The following DENND1A variants were observed in gnomAD, a reference collection of about 807,000 sequenced individuals.
DENND1A encodes DENN domain containing 1A.
A neutral mutation model predicts 113.7 loss-of-function variants in DENND1A; 51 were observed. The observed-to-expected ratio is 0.45, with a 90% CI of 0.36 to 0.57. The LOEUF (loss-of-function observed/expected upper bound fraction) is 0.57, where lower values mean the gene tolerates loss of function less well. Ranked by LOEUF, DENND1A falls within the 20% of genes least tolerant of loss-of-function variation. The pLI is 0.00. For synonymous variants in DENND1A, 565 were observed against 570.8 expected, an observed-to-expected ratio of 0.99 and a Z score of 0.14; for missense variants, 1,258 against 1,395.9, an observed-to-expected ratio of 0.90 and a Z score of 1.57.
chr9:123,525,758 CTT>C (rs34055700), intron 13 of DENND1A, among the ~76,000 whole-genome samples: 40 of 129,798 alleles, frequency 3.1e-4, no homozygotes, highest in Admixed American at 3.3e-4. Flanking sequence ...TGCAGTCTAC[CTT>C]TTTTTTTTTT....
chr9:123,531,562 C>CT (rs2055320776), intron 13 of DENND1A, among the ~76,000 whole-genome samples: 59 of 102,152 alleles, frequency 5.8e-4, no homozygotes, highest in African/African-American at 2.2e-3. Flanking sequence ...TCTACACACA[C>CT]ACACACACAC....
intron 8 of DENND1A, among the ~76,000 whole-genome samples, chr9:123,660,333 CACAGGGA>C (rs1158444475): frequency 6.6e-6 from 1 of 152,066 alleles, no homozygotes; most frequent in Non-Finnish European, 1.5e-5. Context: ...ATGGGTCATG[CACAGGGA>C]ATTGGTTCAT....
At chr9:123,458,220 C>T (rs183868364) in intron 13 of DENND1A, among the ~76,000 whole-genome samples, 16 of 151,930 alleles carry the variant, frequency 1.1e-4, no homozygotes, top group African/African-American at 2.2e-4. Flanking sequence ...AGGCTGGTCT[C>T]GAACTCCTGA....
chr9:123,804,703 C>T (rs1315581922), intron 2 of DENND1A, among the ~76,000 whole-genome samples: 2 of 152,182 alleles, frequency 1.3e-5, no homozygotes, highest in South Asian at 2.1e-4. Flanking sequence ...CATCCCAGAG[C>T]CAATGTATCA....
At chr9:123,924,634 G>C (rs1306374314) in intron 1 of DENND1A, among the ~76,000 whole-genome samples, 2 of 149,154 alleles carry the variant, frequency 1.3e-5, no homozygotes, top group African/African-American at 2.5e-5. Flanking sequence ...CTGGGGGACA[G>C]AGTGAAACTG....
At chr9:123,665,007 T>C (rs1187436948) in intron 8 of DENND1A, among the ~76,000 whole-genome samples, 4 of 152,220 alleles carry the variant, frequency 2.6e-5, no homozygotes, top group African/African-American at 7.2e-5. Flanking sequence ...ATCTCCTTTA[T>C]ATTATGTAAA....
intron 13 of DENND1A, among the ~76,000 whole-genome samples, chr9:123,506,938 C>T (rs889849025): frequency 1.3e-5 from 2 of 152,208 alleles, no homozygotes; most frequent in Non-Finnish European, 2.9e-5. Flanking sequence ...ATAATCACAG[C>T]ACTTTGGGAT....
rs181036450 is a variant in DENND1A at position 123,546,202 on chromosome 9, G to C, written c.993+11368C>G. 2.7e-4 allele frequency among the ~76,000 whole-genome samples: 41 copies of C among 152,246 alleles called. 1 individual carries two copies. Among genetic ancestry groups the C allele is most frequent in the African/African-American group, 8.9e-4 (37 of 41,504 alleles). ...TTTACACATTCGTGATGTGGTGTTT[G>C]TGTGGCTTATTCCTCTCAGGTTCTA... On this transcript the variant is annotated intron_variant, in intron 13 of 23. Transcript: ENST00000394215.
intron 13 of DENND1A, among the ~76,000 whole-genome samples, chr9:123,463,409 C>T (rs982616675): frequency 8.5e-5 from 13 of 152,334 alleles, no homozygotes; most frequent in African/African-American, 2.9e-4. Flanking sequence ...ACTCTATCCA[C>T]AGCATTGCTG....
intron 2 of DENND1A, among the ~76,000 whole-genome samples, chr9:123,861,465 G>T (rs1845040954): frequency 6.6e-6 from 1 of 152,114 alleles, no homozygotes; most frequent in South Asian, 2.1e-4. Flanking sequence ...TTTCTGTAAA[G>T]CTTTATTTTG....
chr9:123,567,604 C>T (rs775822627), intron 12 of DENND1A, among the ~76,000 whole-genome samples: 28 of 152,154 alleles, frequency 1.8e-4, no homozygotes, highest in Non-Finnish European at 2.6e-4. Flanking sequence ...AAGAGACTAA[C>T]GACTTTCTTC....
chr9:123,787,409 T>G (rs1832350660), intron 3 of DENND1A, among the ~76,000 whole-genome samples: 1 of 152,160 alleles, frequency 6.6e-6, no homozygotes, highest in African/African-American at 2.4e-5. Context: ...CATGAAAGTT[T>G]TCATACACAG....
rs1355168437 is a variant in DENND1A, at chr9:123,871,456, T to G, written c.88+7495A>C. Among the ~76,000 whole-genome samples the G allele has an allele frequency of 2.0e-5, 3 of 152,282 alleles. No individual in the cohort carries two copies. The East Asian group carries it at 5.8e-4, about 29-fold the overall frequency. ...GAGTATCCATTGTGATCACAGATAT[T>G]CAGGTGAAGCTCCTAGACCACAATT... is the stretch of plus-strand genomic sequence containing the variant. On this transcript the variant is annotated intron_variant, in intron 2 of 23. Transcript: ENST00000394215.
At chr9:123,701,116 C>G (rs778025591) in intron 5 of DENND1A, among the ~76,000 whole-genome samples, 1 of 152,160 alleles carries the variant, frequency 6.6e-6, no homozygotes, top group African/African-American at 2.4e-5. Context: ...AGGGGAAAAT[C>G]TCTGTGCTCT....
chr9:123,588,723 C>T (rs2136977334), intron 11 of DENND1A, among the ~76,000 whole-genome samples: 1 of 151,220 alleles, frequency 6.6e-6, no homozygotes, highest in Non-Finnish European at 1.5e-5. Context: ...TATTTCCTTC[C>T]ATATTCTCCC....
In DENND1A at chr9:123,381,893, C is replaced by A; in HGVS notation, c.2752G>T (p.Ala918Ser). The A allele has an allele frequency of 6.9e-7, 1 of 1,454,920 alleles. No individual in the cohort carries two copies. Among genetic ancestry groups the A allele is most frequent in the Non-Finnish European group, 9.1e-7 (1 of 1,103,118 alleles). 90.1% of individuals were successfully genotyped at this position (1,454,920 alleles called of 1,614,324 possible). A position where few individuals can be genotyped will look rare whatever the true frequency, so the allele number is the denominator to read the frequency against. Residue 918 changes from alanine (A) to serine (S), a missense_variant, in exon 24 of 24, where the codon GCC becomes TCC. Physicochemically the swap from Ala to Ser is moderately conservative, Grantham distance 99. Around this residue, in one of 2 missense-constraint regions of DENND1A, gnomAD observed 1,159 missense variants for 1,231.7 expected, o/e 0.94. Coordinates refer to ENST00000394215, the MANE Select transcript of DENND1A (RefSeq NM_001352964.2). This position sits in a 1 kb window ranked among gnomAD's most constrained non-coding sequence, Gnocchi z 4.7. ...LVSTPAGPFG[A>S]PPASLGPAFA... The stretch of plus-strand genomic sequence containing the variant: ...GCCGGCCCCAGGGAAGCTGGAGGGG[C>A]CCCGAAAGGCCCGGCTGGTGTGGAG...
chr9:123,619,644 A>G (rs974552699), intron 10 of DENND1A, among the ~76,000 whole-genome samples: 20 of 152,118 alleles, frequency 1.3e-4, no homozygotes, highest in Non-Finnish European at 2.5e-4. Context: ...ATTGGTCTCG[A>G]ACTCCTAGGC....
intron 5 of DENND1A, among the ~76,000 whole-genome samples, chr9:123,740,899 TGAGAGAGAGAGAGAGAGAGAGAGA>T (rs56006420): frequency 0.021 from 2,272 of 108,952 alleles, 80 homozygotes; most frequent in African/African-American, 0.081. Context: ...GAAGGGAAAG[TGAGAGAGAGAGAGAGAGAGAGAGA>T]GAGAGAGAGA....
intron 5 of DENND1A, among the ~76,000 whole-genome samples, chr9:123,686,078 A>G (rs973552360): frequency 3.3e-5 from 5 of 152,122 alleles, no homozygotes; most frequent in Admixed American, 1.3e-4. Flanking sequence ...AAAAAAATCA[A>G]TGATCCCAGT....
Sources: gnomAD v4.1 joint callset for allele counts (sites outside exome capture counted in the v4.1 genomes callset) on GRCh38, gnomAD v4.1.1 for gene constraint, gnomAD v4.1.1 regional missense constraint, Gnocchi (gnomAD v3.1) non-coding constraint, MANE v1.5 for transcripts, NCBI Gene and HGNC (gene_info 2026-07-23, HGNC 2026-07-21) for gene names.